RSPO2: variants seen among roughly 807,000 people sequenced by gnomAD.
The protein encoded by RSPO2 is R-spondin 2.
A neutral mutation model predicts 30.9 loss-of-function variants in RSPO2; 14 were observed. The ratio of observed to expected loss-of-function variants is 0.45; its 90% CI spans 0.30 to 0.71. The LOEUF (loss-of-function observed/expected upper bound fraction) is 0.71, where lower values mean the gene tolerates loss of function less well. Ranked by LOEUF, RSPO2 falls within the 30% of genes least tolerant of loss-of-function variation. RSPO2 has a pLI of 0.08. For missense variants in RSPO2, 264 were observed against 301.9 expected (o/e 0.87, Z 0.93); for synonymous variants, 107 against 96.4 (o/e 1.11, Z -0.64).
At chr8:107,992,838 A>C (rs990727151) in intron 2 of RSPO2, among the ~76,000 whole-genome samples, 2 of 152,240 alleles carry the variant, frequency 1.3e-5, no homozygotes, top group Admixed American at 1.3e-4. Context: ...ATCAAACTAT[A>C]ATTCTATAAG....
chr8:107,999,910 C>T (rs1815174602), intron 2 of RSPO2, among the ~76,000 whole-genome samples: 1 of 152,126 alleles, frequency 6.6e-6, no homozygotes, highest in East Asian at 1.9e-4. Context: ...TACATTGGCA[C>T]CTCTGAAGGA....
At chr8:107,936,043 A>G (rs962092890) in intron 5 of RSPO2, among the ~76,000 whole-genome samples, 4 of 152,082 alleles carry the variant, frequency 2.6e-5, no homozygotes, top group African/African-American at 7.2e-5. Context: ...ATTAGAGTTT[A>G]TTTATTCTAC....
chr8:107,936,190 A>C (rs1314365755), intron 5 of RSPO2, among the ~76,000 whole-genome samples: 3 of 152,258 alleles, frequency 2.0e-5, no homozygotes, highest in Non-Finnish European at 1.5e-5. Flanking sequence ...ATATGAGAAC[A>C]TGTGATATTT....
chr8:107,956,372 C>A (rs1173895922), intron 5 of RSPO2, among the ~76,000 whole-genome samples: 1 of 152,162 alleles, frequency 6.6e-6, no homozygotes, highest in Admixed American at 6.5e-5. Context: ...AGAATTAAAT[C>A]AGTCTGTTAC....
Position 107,919,175 on chromosome 8 carries a change from C to T in RSPO2, c.617-17985G>A, listed in dbSNP as rs55741723. ...ACCCCCACTATTCCCCTGATCAGCA[C>T]GAAGAAGTTAGAGCAGTTGTCACCC... is the stretch of plus-strand genomic sequence containing the variant. On this transcript the variant is annotated intron_variant, in intron 5 of 5. Coordinates refer to ENST00000276659, the MANE Select transcript of RSPO2 (RefSeq NM_178565.5). Among the ~76,000 whole-genome samples, 1,107 of 152,120 alleles carry T rather than the reference C, an allele frequency of 7.3e-3. 9 individuals are homozygous for T. Among genetic ancestry groups the T allele is most frequent in the African/African-American group, 0.025 (1,040 of 41,492 alleles).
intron 2 of RSPO2, among the ~76,000 whole-genome samples, chr8:108,063,616 T>G (rs1024916923): frequency 6.6e-6 from 1 of 151,774 alleles, no homozygotes; most frequent in Non-Finnish European, 1.5e-5. Context: ...CCAAGGTAAT[T>G]TATAGATTCA....
At chr8:107,974,847 T>TACAC (rs10530103) in intron 3 of RSPO2, among the ~76,000 whole-genome samples, 53,319 of 150,816 alleles carry the variant, frequency 0.35, 10,842 homozygotes, top group East Asian at 0.65. Flanking sequence ...CACATACACA[T>TACAC]ACACACACAC....
At chr8:107,915,748 C>T (rs1011612329) in intron 5 of RSPO2, among the ~76,000 whole-genome samples, 1 of 152,276 alleles carries the variant, frequency 6.6e-6, no homozygotes, top group Non-Finnish European at 1.5e-5. Flanking sequence ...CGACTATCCA[C>T]TCTTCGCAGG....
At chr8:107,996,811 T>C (rs767708045) in intron 2 of RSPO2, 3 of 380,016 alleles carry the variant, frequency 7.9e-6, no homozygotes, top group Non-Finnish European at 1.6e-5. Context: ...GTCAACAAAC[T>C]GTGCCCTGCA....
chr8:108,037,914 A>AT (rs1350012051), intron 2 of RSPO2, among the ~76,000 whole-genome samples: 5 of 152,312 alleles, frequency 3.3e-5, no homozygotes, highest in African/African-American at 1.2e-4. Flanking sequence ...AAGAGCTCTG[A>AT]TGGAGATGTA....
intron 5 of RSPO2, among the ~76,000 whole-genome samples, chr8:107,906,343 G>GTATTTTA (rs71562163): frequency 0.014 from 645 of 47,234 alleles, 9 homozygotes; most frequent in African/African-American, 0.028. Context: ...ATGAATGCAA[G>GTATTTTA]TATTTTATAT....
rs750816937 is a variant in RSPO2, at chr8:107,974,841, T to TACACACACACAC, written c.284-14025_284-14024insGTGTGTGTGTGT. 1.2e-4 allele frequency among the ~76,000 whole-genome samples: 11 copies of TACACACACACAC among 94,414 alleles called. No individual in the cohort carries two copies. The South Asian group carries it at 3.5e-3, about 30-fold the overall frequency. The allele number at this position is 94,414 out of a possible 152,430, so 61.9% of individuals were successfully genotyped here. ...TCATGCAGGATTGTGAACACACACA[T>TACACACACACAC]ACACATACACACACACACACACACA... is the stretch of plus-strand genomic sequence containing the variant. On this transcript the variant is annotated intron_variant, in intron 3 of 5. Transcript: ENST00000276659.
chr8:108,052,906 T>C (rs575478496), intron 2 of RSPO2, among the ~76,000 whole-genome samples: 1 of 152,076 alleles, frequency 6.6e-6, no homozygotes, highest in East Asian at 1.9e-4. Flanking sequence ...GTCCAAACTT[T>C]TATTTTAAAT....
At chr8:108,003,326 T>A (rs1488144162) in intron 2 of RSPO2, among the ~76,000 whole-genome samples, 9 of 110,052 alleles carry the variant, frequency 8.2e-5, no homozygotes, top group African/African-American at 2.8e-4. Flanking sequence ...TTTTTTTTTT[T>A]TTTTTTTTTT....
rs1164411315 is a variant in RSPO2 at position 107,904,683 on chromosome 8, T to TG, written c.617-3494dup. On this transcript the variant is annotated intron_variant, in intron 5 of 5. Transcript: ENST00000276659. ...GCTAGGCACAGTCTTGTAACTGAGATGTCTGGTAAGGCATATGCCTGACTC... is the reference window on the plus strand; with the variant it reads ...GCTAGGCACAGTCTTGTAACTGAGATGGTCTGGTAAGGCATATGCCTGACTC... Among the ~76,000 whole-genome samples the TG allele has an allele frequency of 2.0e-5, 3 of 152,082 alleles. No individual in the cohort carries two copies. The East Asian group carries it at 5.8e-4, about 29-fold the overall frequency.
At chr8:107,919,894 G>C (rs976942720) in intron 5 of RSPO2, among the ~76,000 whole-genome samples, 2 of 152,098 alleles carry the variant, frequency 1.3e-5, no homozygotes, top group Admixed American at 6.6e-5. Context: ...TATAGTAAAA[G>C]TTTATGAGTC....
intron 5 of RSPO2, among the ~76,000 whole-genome samples, chr8:107,956,781 T>A (rs184671868): frequency 6.6e-4 from 100 of 152,348 alleles, no homozygotes; most frequent in African/African-American, 2.3e-3. Context: ...TTCCAATACC[T>A]GAATACATCA....
chr8:107,936,519 T>C (rs1286059683), intron 5 of RSPO2, among the ~76,000 whole-genome samples: 2 of 152,126 alleles, frequency 1.3e-5, no homozygotes, highest in Non-Finnish European at 2.9e-5. Context: ...GTAGTTTCAG[T>C]TTTTTGAGAA....
chr8:108,000,067 A>G (rs1487002372), intron 2 of RSPO2, among the ~76,000 whole-genome samples: 2 of 152,210 alleles, frequency 1.3e-5, no homozygotes, highest in Non-Finnish European at 2.9e-5. Context: ...GTCACAGGGC[A>G]GCTCAGAATA....
Sources: gnomAD v4.1 joint callset for allele counts (sites outside exome capture counted in the v4.1 genomes callset) on GRCh38, gnomAD v4.1.1 for gene constraint, MANE v1.5 for transcripts, NCBI Gene and HGNC (gene_info 2026-07-23, HGNC 2026-07-21) for gene names.